The following LRP1B variants were observed in gnomAD, a reference collection of about 807,000 sequenced individuals.
LRP1B encodes the protein LDL receptor related protein 1B, also known as low-density lipoprotein receptor-related protein 1B.
In LRP1B, 217 loss-of-function variants were observed where a neutral mutation model predicts 556.6. The observed-to-expected ratio is 0.39, with a 90% CI of 0.35 to 0.44. LRP1B has a LOEUF of 0.44. Among genes scored for constraint, LRP1B ranks in the 20% least tolerant of loss-of-function variants. The pLI is 1.00. For missense variants in LRP1B, 5,053 were observed against 5,620.8 expected, an observed-to-expected ratio of 0.90 and a Z score of 3.23; for synonymous variants, 2,047 against 1,865.8, an observed-to-expected ratio of 1.10 and a Z score of -2.50.
chr2:142,112,543 T>G (rs1317077450), intron 1 of LRP1B, among the ~76,000 whole-genome samples: 2 of 152,082 alleles, frequency 1.3e-5, no homozygotes, highest in Non-Finnish European at 2.9e-5. Flanking sequence ...TCATGGAAGA[T>G]GTCATAAAAT....
intron 2 of LRP1B, among the ~76,000 whole-genome samples, chr2:141,510,594 C>A (rs1244636051): frequency 6.6e-6 from 1 of 152,022 alleles, no homozygotes; most frequent in Non-Finnish European, 1.5e-5. Context: ...AGTCCTTCCC[C>A]TATTCATGAA....
Position 140,545,550 on chromosome 2 carries a change from C to T in LRP1B, c.7195-3579G>A, listed in dbSNP as rs1364553592. On this transcript the variant is annotated intron_variant, in intron 43 of 90. Transcript: ENST00000389484. Reference sequence around the variant, plus strand: ...CCATTTATTGAATAGAGTCCTTTCCCCTTTGCTTGTTTTTGTCAGCTTTGT... The same window carrying T: ...CCATTTATTGAATAGAGTCCTTTCCTCTTTGCTTGTTTTTGTCAGCTTTGT... Among the ~76,000 whole-genome samples, 3 of 152,046 alleles carry T rather than the reference C, an allele frequency of 2.0e-5. No individual in the cohort carries two copies. The East Asian group carries it at 5.8e-4, about 29-fold the overall frequency.
chr2:141,630,384 C>T (rs1688864409), intron 2 of LRP1B, among the ~76,000 whole-genome samples: 1 of 152,198 alleles, frequency 6.6e-6, no homozygotes, highest in Non-Finnish European at 1.5e-5. Context: ...CAAAAGTCCT[C>T]ACAGGGAATT....
chr2:141,883,211 T>A (rs78074958), intron 1 of LRP1B, among the ~76,000 whole-genome samples: 3,168 of 152,260 alleles, frequency 0.021, 119 homozygotes, highest in African/African-American at 0.072. Context: ...TATTTTTCTT[T>A]AGATTTTTTA....
At chr2:141,531,005 C>A (rs578174356) in intron 2 of LRP1B, among the ~76,000 whole-genome samples, 2 of 148,830 alleles carry the variant, frequency 1.3e-5, no homozygotes, top group Non-Finnish European at 1.5e-5. Flanking sequence ...AAATTTTAAG[C>A]AAAGAAAGAA....
rs2105086457 is a variant in LRP1B, at chr2:140,335,697, G to A, written c.12034C>T (p.Gln4012Ter). 1 of 1,612,374 alleles carries A rather than the reference G, an allele frequency of 6.2e-7. No individual in the cohort carries two copies. The highest frequency in any genetic ancestry group is 8.5e-7 in the Non-Finnish European group (1 of 1,178,758). ...CTGGTGCAGTTGGGGCCATTCAGCT[G>A]CCCTACGTTGATAGAGTACCTCAGA... ...TSLRYSINVGQLNGPNCTRLL... is the reference protein window; with the variant it reads ...TSLRYSINVG The change falls in exon 78 of 91, where the codon CAG becomes TAG. Residue 4012 changes from glutamine (Q) to a stop codon, truncating the protein, a stop_gained. Transcript: ENST00000389484. LOFTEE classifies it high-confidence loss of function.
At chr2:141,720,907 T>C (rs940118271) in intron 2 of LRP1B, among the ~76,000 whole-genome samples, 22 of 152,146 alleles carry the variant, frequency 1.4e-4, no homozygotes, top group Non-Finnish European at 2.9e-4. Flanking sequence ...GTAATGCATA[T>C]CTGTGAACTT....
At chr2:141,096,685 A>G (rs1290945162) in intron 7 of LRP1B, among the ~76,000 whole-genome samples, 8 of 133,542 alleles carry the variant, frequency 6.0e-5, no homozygotes, top group Admixed American at 7.7e-5. Flanking sequence ...AGAGAGAGAG[A>G]GAGAGAAAAT....
At chr2:142,050,057 A>C (rs1704398965) in intron 1 of LRP1B, among the ~76,000 whole-genome samples, 1 of 152,122 alleles carries the variant, frequency 6.6e-6, no homozygotes, top group African/African-American at 2.4e-5. Context: ...CTAAGCTTTC[A>C]AATTAGTTGC....
chr2:141,820,137 G>A (rs183262761), intron 1 of LRP1B, among the ~76,000 whole-genome samples: 351 of 152,224 alleles, frequency 2.3e-3, no homozygotes, highest in Non-Finnish European at 3.8e-3. Context: ...AGGCAAACTT[G>A]AGATTCAGTG....
At chr2:140,385,345 G>A (rs1683711656) in intron 67 of LRP1B, among the ~76,000 whole-genome samples, 1 of 152,090 alleles carries the variant, frequency 6.6e-6, no homozygotes, top group Admixed American at 6.5e-5. Flanking sequence ...AATTTGGGGA[G>A]AATTATTATT....
At chr2:141,181,085 T>C (rs1680971236) in intron 7 of LRP1B, among the ~76,000 whole-genome samples, 1 of 152,080 alleles carries the variant, frequency 6.6e-6, no homozygotes, top group Admixed American at 6.6e-5. Context: ...TAATTCCATG[T>C]GGTTGTCTTA....
intron 66 of LRP1B, among the ~76,000 whole-genome samples, chr2:140,433,979 GA>G (rs1317386190): frequency 6.6e-6 from 1 of 152,040 alleles, no homozygotes; most frequent in Admixed American, 6.6e-5. Context: ...ATGGGAGTGA[GA>G]AACCTTAGGT....
intron 1 of LRP1B, among the ~76,000 whole-genome samples, chr2:142,016,518 G>A (rs760136376): frequency 7.9e-5 from 12 of 152,108 alleles, no homozygotes; most frequent in Non-Finnish European, 1.8e-4. Flanking sequence ...ATGAGTTCAT[G>A]ACCTTTGCAG....
intron 2 of LRP1B, among the ~76,000 whole-genome samples, chr2:141,678,432 A>G (rs1333925138): frequency 1.3e-5 from 2 of 152,180 alleles, no homozygotes; most frequent in African/African-American, 4.8e-5. Flanking sequence ...TTAATGATGA[A>G]TGAAACTATT....
chr2:140,967,029 C>CT (rs1558769592), intron 18 of LRP1B, among the ~76,000 whole-genome samples: 2 of 152,174 alleles, frequency 1.3e-5, no homozygotes, highest in East Asian at 1.9e-4. Context: ...AATGAGGGCT[C>CT]TTTTTTGGTT....
intron 3 of LRP1B, among the ~76,000 whole-genome samples, chr2:141,324,013 ACC>A (rs1687346691): frequency 7.4e-6 from 1 of 135,802 alleles, no homozygotes; most frequent in Non-Finnish European, 1.6e-5. Flanking sequence ...ACACACACAC[ACC>A]TGAACAAGGA....
At chr2:140,446,892 G>T (rs1686681898) in intron 63 of LRP1B, among the ~76,000 whole-genome samples, 1 of 151,930 alleles carries the variant, frequency 6.6e-6, no homozygotes, top group African/African-American at 2.4e-5. Flanking sequence ...GACAATCTAT[G>T]AAATGGAAGA....
intron 20 of LRP1B, among the ~76,000 whole-genome samples, chr2:140,933,974 G>T (rs1292854431): frequency 6.6e-6 from 1 of 151,078 alleles, no homozygotes; most frequent in African/African-American, 2.4e-5. Flanking sequence ...ACAAAAAGAG[G>T]TTTCCTATGG....
Sources: allele counts gnomAD v4.1 joint callset (sites outside exome capture counted in the v4.1 genomes callset), GRCh38; gene constraint gnomAD v4.1.1; transcripts MANE v1.5; gene names NCBI Gene and HGNC (gene_info 2026-07-23, HGNC 2026-07-21).